SYT1: variants seen among roughly 807,000 people sequenced by gnomAD.
The protein encoded by SYT1 is synaptotagmin-1.
In SYT1, 8 loss-of-function variants were observed where a neutral mutation model predicts 44.8. The observed-to-expected ratio is 0.18, with a 90% CI of 0.10 to 0.32. SYT1 has a LOEUF of 0.32. Ranked by LOEUF, SYT1 falls within the 10% of genes least tolerant of loss-of-function variation. The probability of loss-of-function intolerance (pLI) is 1.00; values close to 1 mark genes in which losing one functional copy is unlikely to be tolerated. For synonymous variants in SYT1, 154 were observed against 188.8 expected, an observed-to-expected ratio of 0.82 and a Z score of 1.51; for missense variants, 286 against 509.3, an observed-to-expected ratio of 0.56 and a Z score of 4.22.
chr12:79,399,166 A>T (rs769263448), intron 9 of SYT1, among the ~76,000 whole-genome samples: 5 of 152,222 alleles, frequency 3.3e-5, no homozygotes, highest in Non-Finnish European at 7.3e-5. Context: ...GGATTAGGGC[A>T]TGAATAAGAA....
intron 3 of SYT1, among the ~76,000 whole-genome samples, chr12:79,058,608 G>T (rs1875139312): frequency 6.6e-6 from 1 of 152,072 alleles, no homozygotes; most frequent in Non-Finnish European, 1.5e-5. Context: ...TTGGGCCAAA[G>T]TGTCCACACC....
chr12:79,185,992 A>AT (rs1043859333), intron 3 of SYT1, among the ~76,000 whole-genome samples: 1 of 151,918 alleles, frequency 6.6e-6, no homozygotes, highest in Non-Finnish European at 1.5e-5. Flanking sequence ...GTGTCATAGC[A>AT]TTTTTTATAT....
At chr12:79,401,399 CA>C (rs74276040) in intron 9 of SYT1, among the ~76,000 whole-genome samples, 11 of 150,636 alleles carry the variant, frequency 7.3e-5, no homozygotes, top group East Asian at 4.0e-4. Flanking sequence ...GTGTCAATTA[CA>C]AAAAAAAAGT....
intron 2 of SYT1, among the ~76,000 whole-genome samples, chr12:79,033,747 T>C (rs1872961276): frequency 6.6e-6 from 1 of 151,408 alleles, no homozygotes. Context: ...TTCTAGGGCT[T>C]TTAGAATTAA....
chr12:79,262,355 A>G (rs1240643346), intron 4 of SYT1, among the ~76,000 whole-genome samples: 1 of 152,218 alleles, frequency 6.6e-6, no homozygotes, highest in Non-Finnish European at 1.5e-5. Context: ...CTCTTCTCTG[A>G]TATTTTTCCA....
chr12:79,306,526 A>G (rs1195588098), intron 8 of SYT1, among the ~76,000 whole-genome samples: 2 of 152,210 alleles, frequency 1.3e-5, no homozygotes, highest in Non-Finnish European at 2.9e-5. Context: ...TGAGTTTTAT[A>G]TTCTGATTCT....
At chr12:78,866,269 A>C (rs1409280166) in intron 1 of SYT1, among the ~76,000 whole-genome samples, 9 of 152,320 alleles carry the variant, frequency 5.9e-5, no homozygotes, top group Middle Eastern at 3.4e-3. Context: ...TTAATAGGAC[A>C]ATATTTAATG....
intron 2 of SYT1, among the ~76,000 whole-genome samples, chr12:78,978,237 G>A (rs1019658761): frequency 6.6e-6 from 1 of 152,138 alleles, no homozygotes; most frequent in Non-Finnish European, 1.5e-5. Flanking sequence ...CAAATCCAAA[G>A]TTGTCATGGT....
intron 3 of SYT1, among the ~76,000 whole-genome samples, chr12:79,113,691 T>C (rs1173344535): frequency 6.6e-6 from 1 of 152,024 alleles, no homozygotes; most frequent in Non-Finnish European, 1.5e-5. Context: ...CTTTAGGAAA[T>C]TTTGCCAGAG....
chr12:78,941,852 G>A (rs1878394962), intron 1 of SYT1, among the ~76,000 whole-genome samples: 2 of 152,146 alleles, frequency 1.3e-5, no homozygotes, highest in African/African-American at 2.4e-5. Context: ...ACCAGTTGGG[G>A]GTGAAAAGAG....
At chr12:79,301,489 A>G (rs1880148981) in intron 8 of SYT1, among the ~76,000 whole-genome samples, 1 of 152,154 alleles carries the variant, frequency 6.6e-6, no homozygotes, top group Admixed American at 6.6e-5. Flanking sequence ...TCAGAATTTT[A>G]ACCTAGAAAG....
chr12:79,159,330 T>C (rs1315066242), intron 3 of SYT1, among the ~76,000 whole-genome samples: 1 of 152,160 alleles, frequency 6.6e-6, no homozygotes, highest in African/African-American at 2.4e-5. Flanking sequence ...AAGAGAGTAC[T>C]GGGGAGTGAA....
chr12:78,904,085 C>T (rs1472198468), intron 1 of SYT1, among the ~76,000 whole-genome samples: 1 of 151,840 alleles, frequency 6.6e-6, no homozygotes, highest in South Asian at 2.1e-4. Context: ...TTAGAATCCC[C>T]GGTAACCAAA....
At chr12:79,187,385 T>C (rs1872864151) in intron 3 of SYT1, among the ~76,000 whole-genome samples, 1 of 152,102 alleles carries the variant, frequency 6.6e-6, no homozygotes, top group African/African-American at 2.4e-5. Flanking sequence ...AAAGCAACGC[T>C]CCTAGCACCT....
chr12:79,291,884 C>A, intron 5 of SYT1, 124 bp from the exon 6 acceptor site: 1 of 1,184,656 alleles, frequency 8.4e-7, no homozygotes, highest in Non-Finnish European at 1.3e-6. Flanking sequence ...GTGTGTCAGA[C>A]AAACAGATTT....
intron 4 of SYT1, among the ~76,000 whole-genome samples, chr12:79,281,630 A>G (rs1379043465): frequency 6.6e-6 from 1 of 152,154 alleles, no homozygotes; most frequent in Non-Finnish European, 1.5e-5. Context: ...CTACTATACA[A>G]TTCATCCATT....
At chr12:79,064,964 GAAAGAAAGAAA>G (rs1565789323) in intron 3 of SYT1, among the ~76,000 whole-genome samples, 9 of 150,238 alleles carry the variant, frequency 6.0e-5, no homozygotes, top group Admixed American at 2.0e-4. Context: ...AAGAAAGAAA[GAAAGAAAGAAA>G]GAAAGAAAGA....
In SYT1 at chr12:79,117,702, TATATATATATATAA is replaced by T. The variant is rs1463441048; in HGVS notation, c.-18+70342_-18+70355del. Among the ~76,000 whole-genome samples the T allele has an allele frequency of 6.5e-4, 65 of 99,980 alleles. 1 individual carries two copies. The highest frequency in any genetic ancestry group is 2.3e-3 in the African/African-American group (59 of 25,528). The allele number at this position is 99,980 out of a possible 152,430, so 65.6% of individuals were successfully genotyped here. On this transcript the variant is annotated intron_variant, in intron 3 of 10. Transcript: ENST00000261205. ...ATATATATATATATATATATATATATATATATATATATAAAATAAATAGGTTGCATACAGAAGAT... is the reference window on the plus strand; with the variant it reads ...ATATATATATATATATATATATATATAATAAATAGGTTGCATACAGAAGAT...
At chr12:79,312,372 C>T (rs1880851439) in intron 8 of SYT1, among the ~76,000 whole-genome samples, 1 of 152,172 alleles carries the variant, frequency 6.6e-6, no homozygotes, top group Admixed American at 6.5e-5. Context: ...GTGAAAAGTA[C>T]ATTAGCAGTA....
Sources: gnomAD v4.1 joint callset for allele counts (sites outside exome capture counted in the v4.1 genomes callset) on GRCh38, gnomAD v4.1.1 for gene constraint, MANE v1.5 for transcripts, NCBI Gene and HGNC (gene_info 2026-07-23, HGNC 2026-07-21) for gene names.